Variants in TMEM114 observed in about 807,000 individuals in gnomAD.
TMEM114 encodes transmembrane protein 114, also known as claudin-26.
A neutral mutation model predicts 6.2 loss-of-function variants in TMEM114; 6 were observed. That is an observed-to-expected ratio of 0.97 (90% confidence interval 0.53 to 1.91). TMEM114 has a LOEUF of 1.91. TMEM114 is among the 40% of genes most tolerant of loss of function. The pLI is 0.01. For missense variants in TMEM114, 218 were observed against 158.3 expected, an observed-to-expected ratio of 1.38 and a Z score of -2.02; for synonymous variants, 104 against 73.0, an observed-to-expected ratio of 1.42 and a Z score of -2.16.
chr16:8,548,578 G>T (rs1339171657), intron 2 of TMEM114, among the ~76,000 whole-genome samples: 1 of 152,056 alleles, frequency 6.6e-6, no homozygotes, highest in African/African-American at 2.4e-5. Context: ...ACGAACCATT[G>T]TAGTATCCTA....
At chr16:8,539,860 C>A (rs1198545953) in intron 2 of TMEM114, among the ~76,000 whole-genome samples, 3 of 152,186 alleles carry the variant, frequency 2.0e-5, no homozygotes, top group Non-Finnish European at 4.4e-5. Context: ...CTCTGCCACC[C>A]AGGCTGGAAT....
chr16:8,530,469 G>T, the TMEM114 span, among the ~76,000 whole-genome samples: 1 of 152,130 alleles, frequency 6.6e-6, no homozygotes, highest in Non-Finnish European at 1.5e-5. Flanking sequence ...AGACTGGGAA[G>T]CATAGGAGCA....
At chr16:8,555,028 G>A (rs1388439830) in intron 2 of TMEM114, among the ~76,000 whole-genome samples, 2 of 152,174 alleles carry the variant, frequency 1.3e-5, no homozygotes, top group South Asian at 2.1e-4. Context: ...CAGTACCAGG[G>A]CCTTCCCACT....
At chr16:8,580,930 G>C (rs1033127723) in intron 2 of TMEM114, among the ~76,000 whole-genome samples, 13 of 152,184 alleles carry the variant, frequency 8.5e-5, no homozygotes, top group Non-Finnish European at 1.6e-4. Context: ...GAGCTCAAGT[G>C]ATCCACCTGC....
chr16:8,566,541 G>C (rs886591720), downstream of TMEM114, among the ~76,000 whole-genome samples: 7 of 151,128 alleles, frequency 4.6e-5, no homozygotes, highest in African/African-American at 1.5e-4. Context: ...GAACAGATCA[G>C]AATGGATCAG....
At chr16:8,584,427 A>G (rs1902251529) in intron 2 of TMEM114, among the ~76,000 whole-genome samples, 1 of 152,206 alleles carries the variant, frequency 6.6e-6, no homozygotes, top group South Asian at 2.1e-4. Flanking sequence ...CCCCAGAGCT[A>G]ACCTGGAAGA....
chr16:8,529,682 A>T, the TMEM114 span, among the ~76,000 whole-genome samples: 6 of 152,096 alleles, frequency 3.9e-5, no homozygotes, highest in African/African-American at 1.4e-4. Flanking sequence ...TGGGCTTACT[A>T]GTAGTTCTGA....
In TMEM114 at chr16:8,569,575, C is replaced by G; in HGVS notation, c.*198G>C. ...CGGGCTCCTCCAGGCCACACGGACA[C>G]ACACGGACATAAGCACACAGGTACT... On this transcript the variant is annotated 3_prime_UTR_variant, in exon 4 of 4. Transcript: ENST00000620492. The G allele has an allele frequency of 7.0e-7, 1 of 1,425,668 alleles. No homozygotes were observed. Among genetic ancestry groups the G allele is most frequent in the South Asian group, 1.5e-5 (1 of 65,618 alleles). 88.3% of individuals were successfully genotyped at this position (1,425,668 alleles called of 1,614,324 possible).
At chr16:8,533,697 G>C (rs116494305), downstream of TMEM114, among the ~76,000 whole-genome samples, 8 of 152,202 alleles carry the variant, frequency 5.3e-5, no homozygotes, top group African/African-American at 1.9e-4. Context: ...CTATTCAACT[G>C]AGTGTCCCAT....
At chr16:8,575,913 G>A (rs1901907915) in intron 2 of TMEM114, among the ~76,000 whole-genome samples, 1 of 152,202 alleles carries the variant, frequency 6.6e-6, no homozygotes, top group African/African-American at 2.4e-5. Context: ...CGGGAGACCT[G>A]ATTCCCATTC....
chr16:8,572,798 C>T (rs1901780219), intron 2 of TMEM114, among the ~76,000 whole-genome samples: 2 of 152,142 alleles, frequency 1.3e-5, no homozygotes, highest in Admixed American at 1.3e-4. Flanking sequence ...ATTAATTATT[C>T]ATTACAAGAG....
intron 2 of TMEM114, among the ~76,000 whole-genome samples, chr16:8,562,147 A>C (rs968490151): frequency 2.0e-5 from 3 of 151,912 alleles, no homozygotes; most frequent in African/African-American, 7.3e-5. Context: ...TGAGTGAGTT[A>C]GTGAATAAGT....
Position 8,569,816 on chromosome 16 carries a change from G to A in TMEM114, c.629C>T (p.Ala210Val). 5 of 1,550,912 alleles carry A rather than the reference G, an allele frequency of 3.2e-6. No homozygotes were observed. Among genetic ancestry groups the A allele is most frequent in the Non-Finnish European group, 3.5e-6 (4 of 1,146,938 alleles). The change falls in exon 4 of 4, where the codon GCC becomes GTC. Residue 210 changes from alanine (A) to valine (V), a missense_variant. Coordinates refer to ENST00000620492, the MANE Select transcript of TMEM114 (RefSeq NM_001146336.2). Reference sequence around the variant, plus strand: ...CCTCCGTCTCAGGCTGAGCTCGCGGGCTGCTGCCAGGAAGGCTGCCCCGGT... The same window carrying A: ...CCTCCGTCTCAGGCTGAGCTCGCGGACTGCTGCCAGGAAGGCTGCCCCGGT... ...LLTGAAFLAA[A>V]RELSLRRRQD... is the part of the protein sequence containing the mutation.
In TMEM114 at chr16:8,574,606, T is replaced by TTTCTTTCTTTCTTTCTTTC. The variant is rs71396281; in HGVS notation, c.302-2383_302-2382insGAAAGAAAGAAAGAAAGAA. Among the ~76,000 whole-genome samples, 279 of 151,268 alleles carry TTTCTTTCTTTCTTTCTTTC rather than the reference T, an allele frequency of 1.8e-3. 1 individual carries two copies. The highest frequency in any genetic ancestry group is 2.3e-3 in the African/African-American group (93 of 41,080). On this transcript the variant is annotated intron_variant, in intron 2 of 3. Coordinates refer to ENST00000620492, the MANE Select transcript of TMEM114 (RefSeq NM_001146336.2). ...CCTTCTTTCTTTCTTTCTTTCTTTC[T>TTTCTTTCTTTCTTTCTTTC]TTTTCAGGGAAAAGTCTTGGGCAGG... is the stretch of plus-strand genomic sequence containing the variant.
the TMEM114 span, among the ~76,000 whole-genome samples, chr16:8,529,668 C>T: frequency 8.8e-4 from 134 of 151,866 alleles, no homozygotes; most frequent in African/African-American, 2.8e-3. Context: ...AATTTGAGAA[C>T]CATTGGGCTT....
At chr16:8,559,095 T>G (rs914026970) in intron 2 of TMEM114, among the ~76,000 whole-genome samples, 1 of 151,660 alleles carries the variant, frequency 6.6e-6, no homozygotes, top group Non-Finnish European at 1.5e-5. Flanking sequence ...CAGGCTGGAG[T>G]GCAGTGGCAT....
In TMEM114 at chr16:8,569,726, C is replaced by T. The variant is rs537418033; in HGVS notation, c.*47G>A. The T allele has an allele frequency of 5.6e-5, 85 of 1,511,332 alleles. No homozygotes were observed. The South Asian group carries it at 9.5e-4, about 17-fold the overall frequency. 93.6% of individuals were successfully genotyped at this position (1,511,332 alleles called of 1,614,324 possible). ...AGCCGATGGAGATCGGTCGGTGAAG[C>T]TCCGGGGCCAAGCCCCTCCCTCCCC... is the stretch of plus-strand genomic sequence containing the variant. On this transcript the variant is annotated 3_prime_UTR_variant, in exon 4 of 4. Coordinates refer to ENST00000620492, the MANE Select transcript of TMEM114 (RefSeq NM_001146336.2).
chr16:8,547,053 C>T (rs1246411753), intron 2 of TMEM114, among the ~76,000 whole-genome samples: 2 of 152,200 alleles, frequency 1.3e-5, no homozygotes, highest in East Asian at 1.9e-4. Flanking sequence ...ATCCAGTCTG[C>T]ATATAATGGT....
At chr16:8,530,749 C>T in the TMEM114 span, among the ~76,000 whole-genome samples, 2 of 151,932 alleles carry the variant, frequency 1.3e-5, no homozygotes, top group Non-Finnish European at 2.9e-5. Flanking sequence ...AGGGGCCGGG[C>T]ATTGTGGCTC....
Sources: gnomAD v4.1 joint callset for allele counts (sites outside exome capture counted in the v4.1 genomes callset) on GRCh38, gnomAD v4.1.1 for gene constraint, MANE v1.5 for transcripts, NCBI Gene and HGNC (gene_info 2026-07-23, HGNC 2026-07-21) for gene names.